Variants in TLR6 observed in about 807,000 individuals in gnomAD.
The protein encoded by TLR6 is toll like receptor 6, also known as toll-like receptor 6.
Under a neutral mutation model 16.1 loss-of-function variants are expected in TLR6, and 9 were observed. The observed-to-expected ratio is 0.56, with a 90% CI of 0.34 to 0.98. The LOEUF is 0.98. Among genes scored for constraint, TLR6 ranks in the 50% least tolerant of loss-of-function variants. The pLI, the probability that TLR6 is intolerant of heterozygous loss-of-function variation, is 0.02. For synonymous variants in TLR6, 340 were observed against 338.6 expected (o/e 1.00, Z -0.04); for missense variants, 786 against 921.0 (o/e 0.85, Z 1.90).
chr4:38,837,821 G>T (rs1209457090), intron 1 of TLR6, among the ~76,000 whole-genome samples: 2 of 152,096 alleles, frequency 1.3e-5, no homozygotes, highest in Admixed American at 6.6e-5. Context: ...AGGGTTAAAT[G>T]GGCGAAAATA....
chr4:38,829,256 C>A (rs1727710644), exon 2 of TLR6: 2 of 1,614,156 alleles, frequency 1.2e-6, no homozygotes, highest in South Asian at 2.2e-5. Context: ...TGATAGAAAG[C>A]TCATGTCAGA....
the TLR6 span, among the ~76,000 whole-genome samples, chr4:38,867,383 G>T: frequency 6.6e-6 from 1 of 152,226 alleles, no homozygotes; most frequent in Non-Finnish European, 1.5e-5. Flanking sequence ...TTTGTTTGGG[G>T]TTTGTTTGTT....
the TLR6 span, among the ~76,000 whole-genome samples, chr4:38,862,322 CTGGCTGGAGTGCAGTGGCA>C: frequency 9.2e-5 from 14 of 152,334 alleles, no homozygotes; most frequent in South Asian, 1.7e-3. Context: ...TCCCATCACC[CTGGCTGGAGTGCAGTGGCA>C]TGATCTTTGG....
exon 2 of TLR6, chr4:38,827,137 G>A (rs1289375258): frequency 1.5e-5 from 24 of 1,607,822 alleles, no homozygotes; most frequent in East Asian, 4.5e-5. Flanking sequence ...TATTAAAAGC[G>A]GCTCTAATGT....
At chr4:38,854,452 A>T (rs188353294) in intron 1 of TLR6, among the ~76,000 whole-genome samples, 36 of 151,902 alleles carry the variant, frequency 2.4e-4, no homozygotes, top group Admixed American at 3.9e-4. Context: ...TATTTTTACT[A>T]TAAGATATTT....
chr4:38,837,576 T>A (rs1711995176), intron 1 of TLR6, among the ~76,000 whole-genome samples: 1 of 152,138 alleles, frequency 6.6e-6, no homozygotes, highest in Non-Finnish European at 1.5e-5. Context: ...CCCCTATCTC[T>A]CACCATATAC....
At chr4:38,850,456 A>G (rs1193507592) in intron 1 of TLR6, among the ~76,000 whole-genome samples, 1 of 152,162 alleles carries the variant, frequency 6.6e-6, no homozygotes, top group African/African-American at 2.4e-5. Flanking sequence ...GTTTTTGAAA[A>G]GATCAACAAA....
rs546122194 is a variant in TLR6, at chr4:38,855,043, T to TAAA, written c.-65+1715_-65+1717dup. On this transcript the variant is annotated intron_variant, in intron 1 of 1. Coordinates refer to ENST00000436693, the Ensembl canonical transcript of TLR6. Reference sequence around the variant, plus strand: ...GCTAACGGTGAAACCCCGTCTCTACTAAAAAAAAATACAAAAAAATTAGCC... The same window carrying TAAA: ...GCTAACGGTGAAACCCCGTCTCTACTAAAAAAAAAAAATACAAAAAAATTAGCC... Among the ~76,000 whole-genome samples the TAAA allele has an allele frequency of 9.3e-5, 14 of 150,000 alleles. No individual in the cohort carries two copies. In the South Asian group the frequency reaches 2.9e-3, roughly 32 times the overall value.
At chr4:38,837,919 T>A (rs975849103) in intron 1 of TLR6, among the ~76,000 whole-genome samples, 2 of 151,946 alleles carry the variant, frequency 1.3e-5, no homozygotes, top group East Asian at 3.8e-4. Flanking sequence ...AATAATCCTA[T>A]GAAAAAGTAG....
chr4:38,849,756 A>G (rs1280595678), intron 1 of TLR6, among the ~76,000 whole-genome samples: 2 of 152,202 alleles, frequency 1.3e-5, no homozygotes, highest in Non-Finnish European at 2.9e-5. Context: ...CACCCAATAC[A>G]AAGAGACTTA....
intron 1 of TLR6, among the ~76,000 whole-genome samples, chr4:38,835,752 A>G (rs555506508): frequency 7.5e-4 from 115 of 152,360 alleles, no homozygotes; most frequent in African/African-American, 2.7e-3. Flanking sequence ...AGTTTTAAAA[A>G]TTGAAATCAT....
intron 1 of TLR6, among the ~76,000 whole-genome samples, chr4:38,844,274 A>G (rs191974228): frequency 6.6e-6 from 1 of 152,344 alleles, no homozygotes; most frequent in East Asian, 1.9e-4. Context: ...TATACACAAT[A>G]TATACAAAGT....
At chr4:38,842,736 T>C (rs1712338606) in intron 1 of TLR6, among the ~76,000 whole-genome samples, 1 of 152,238 alleles carries the variant, frequency 6.6e-6, no homozygotes, top group Non-Finnish European at 1.5e-5. Flanking sequence ...CCTCATGACC[T>C]AATCACCTTC....
chr4:38,863,553 C>T, the TLR6 span, among the ~76,000 whole-genome samples: 1 of 152,214 alleles, frequency 6.6e-6, no homozygotes, highest in South Asian at 2.1e-4. Flanking sequence ...CATCCTTCCT[C>T]ATATCAATAA....
chr4:38,851,580 T>C (rs1712775468), intron 1 of TLR6, among the ~76,000 whole-genome samples: 1 of 152,138 alleles, frequency 6.6e-6, no homozygotes. Flanking sequence ...ACAAGCATTC[T>C]TATACATCAA....
At chr4:38,839,154 G>C (rs979809866) in intron 1 of TLR6, among the ~76,000 whole-genome samples, 5 of 146,180 alleles carry the variant, frequency 3.4e-5, no homozygotes, top group East Asian at 4.1e-4. Flanking sequence ...GGGAGGGAAG[G>C]GGGGGAAGAT....
chr4:38,837,263 A>AC, intron 1 of TLR6, among the ~76,000 whole-genome samples: 1 of 152,102 alleles, frequency 6.6e-6, no homozygotes, highest in Non-Finnish European at 1.5e-5. Flanking sequence ...ACCAGAAAAC[A>AC]CCCCAAATAG....
At chr4:38,828,162 T>C in exon 2 of TLR6, 1 of 1,614,236 alleles carries the variant, frequency 6.2e-7, no homozygotes, top group Non-Finnish European at 8.5e-7. Context: ...GTAAGCATAT[T>C]TGAAGACAAA....
rs775573604 is a variant in TLR6, at chr4:38,855,299, GACAA to G, written c.-65+1458_-65+1461del. Among the ~76,000 whole-genome samples the G allele has an allele frequency of 4.0e-4, 61 of 151,864 alleles. 1 individual carries two copies. The highest frequency in any genetic ancestry group is 7.7e-4 in the African/African-American group (32 of 41,348). On this transcript the variant is annotated intron_variant, in intron 1 of 1. Coordinates refer to ENST00000436693, the Ensembl canonical transcript of TLR6. ...CCTGACATATACGTAAAAGCTAGAG[GACAA>G]ACAATGTGATGAAATATACCAAATA... is the stretch of plus-strand genomic sequence containing the variant.
Sources: allele counts gnomAD v4.1 joint callset (sites outside exome capture counted in the v4.1 genomes callset), GRCh38; gene constraint gnomAD v4.1.1; transcripts MANE v1.5; gene names NCBI Gene and HGNC (gene_info 2026-07-23, HGNC 2026-07-21).